Variants in SEM1 observed in about 807,000 individuals in gnomAD.
SEM1 encodes SEM1 26S proteasome subunit.
Under a neutral mutation model 12.7 loss-of-function variants are expected in SEM1, and 3 were observed. The ratio of observed to expected loss-of-function variants is 0.24; its 90% confidence interval spans 0.11 to 0.61. SEM1 has a LOEUF of 0.61. SEM1 is among the 20% of genes least tolerant of loss of function. The probability of loss-of-function intolerance (pLI) is 0.88; values close to 1 mark genes in which losing one functional copy is unlikely to be tolerated. For synonymous variants in SEM1, 30 were observed against 27.8 expected (o/e 1.08, Z -0.25); for missense variants, 59 against 81.3 (o/e 0.73, Z 1.06).
chr7:96,611,160 A>C (rs574538021), intron 2 of SEM1, among the ~76,000 whole-genome samples: 2 of 152,324 alleles, frequency 1.3e-5, no homozygotes, highest in South Asian at 4.1e-4. Context: ...CTCCTAAATG[A>C]CCTACATGCC....
intron 2 of SEM1, among the ~76,000 whole-genome samples, chr7:96,692,621 C>T (rs573326662): frequency 6.6e-6 from 1 of 151,966 alleles, no homozygotes; most frequent in South Asian, 2.1e-4. Flanking sequence ...ATCTGATCCT[C>T]GAAATAAACT....
intron 2 of SEM1, among the ~76,000 whole-genome samples, chr7:96,570,976 T>C (rs1218153787): frequency 1.3e-5 from 2 of 151,664 alleles, no homozygotes. Context: ...TTTTTTTTTT[T>C]CGTATGTTTG....
downstream of SEM1, chr7:96,688,672 G>A (rs1225871479): frequency 3.7e-6 from 1 of 273,600 alleles, no homozygotes; most frequent in Non-Finnish European, 6.7e-6. Flanking sequence ...TTCATAATAT[G>A]AAATTTTACT....
chr7:96,567,492 T>C lies in SEM1; in HGVS notation c.171-60794A>G, dbSNP rs542231494. Among the ~76,000 whole-genome samples the C allele has an allele frequency of 2.6e-3, 260 of 100,544 alleles. 3 individuals carry two copies. The highest frequency in any genetic ancestry group is 6.8e-3 in the African/African-American group (251 of 36,718). 66.0% of individuals were successfully genotyped at this position (100,544 alleles called of 152,430 possible). On this transcript the variant is annotated intron_variant and NMD_transcript_variant, in intron 2 of 3. Transcript: ENST00000466986. ...AATTCTGTGTCATCTCTTCAAACCTTTGTATTTTTTTTCCTTTCCAATTCC... is the reference window on the plus strand; with the variant it reads ...AATTCTGTGTCATCTCTTCAAACCTCTGTATTTTTTTTCCTTTCCAATTCC...
intron 2 of SEM1, among the ~76,000 whole-genome samples, chr7:96,667,692 A>C (rs1332544391): frequency 1.3e-5 from 2 of 152,222 alleles, no homozygotes; most frequent in East Asian, 3.8e-4. Context: ...CAAAACATTA[A>C]ACCAAAAAGC....
chr7:96,493,179 G>A (rs534303623), intron 1 of SEM1, among the ~76,000 whole-genome samples: 3 of 152,230 alleles, frequency 2.0e-5, no homozygotes, highest in South Asian at 4.2e-4. Context: ...TGGCCCCACT[G>A]GTCTCGAACT....
chr7:96,629,089 TG>T (rs1808164633), intron 2 of SEM1, among the ~76,000 whole-genome samples: 1 of 152,198 alleles, frequency 6.6e-6, no homozygotes, highest in Non-Finnish European at 1.5e-5. Context: ...CCTTGACCTT[TG>T]GGAGTTTGAT....
At chr7:96,588,762 T>G (rs56091404) in intron 2 of SEM1, among the ~76,000 whole-genome samples, 18,582 of 152,056 alleles carry the variant, frequency 0.12, 1,177 homozygotes, top group Middle Eastern at 0.18. Flanking sequence ...CAAGACCCTG[T>G]CTCAAAAAGT....
At chr7:96,587,494 G>T (rs890223517) in intron 2 of SEM1, among the ~76,000 whole-genome samples, 1 of 152,040 alleles carries the variant, frequency 6.6e-6, no homozygotes, top group African/African-American at 2.4e-5. Context: ...CCCATGTTGG[G>T]AATATTTCCC....
At chr7:96,503,328 T>C (rs1297054792) in intron 3 of SEM1, among the ~76,000 whole-genome samples, 2 of 152,306 alleles carry the variant, frequency 1.3e-5, no homozygotes, top group African/African-American at 2.4e-5. Context: ...TCTTTTTGAA[T>C]ATAATAGCAC....
chr7:96,656,692 G>A (rs1563100423), intron 2 of SEM1: 2 of 151,886 alleles, frequency 1.3e-5, no homozygotes, highest in Non-Finnish European at 2.9e-5. Context: ...TAATTTAGTG[G>A]TAAAAGATGA....
intron 2 of SEM1, among the ~76,000 whole-genome samples, chr7:96,616,671 A>G (rs1247796705): frequency 6.6e-6 from 1 of 151,962 alleles, no homozygotes; most frequent in African/African-American, 2.4e-5. Flanking sequence ...TAGGATTTTT[A>G]TATTTTTGGG....
intron 2 of SEM1, among the ~76,000 whole-genome samples, chr7:96,558,490 A>G (rs948287798): frequency 1.3e-5 from 2 of 149,974 alleles, no homozygotes; most frequent in African/African-American, 4.8e-5. Context: ...AGTGCACAGA[A>G]GGTGGAACAA....
chr7:96,547,235 T>C (rs1226839218), intron 2 of SEM1, among the ~76,000 whole-genome samples: 4 of 152,298 alleles, frequency 2.6e-5, no homozygotes, highest in Non-Finnish European at 4.4e-5. Flanking sequence ...GTTTCCTTCA[T>C]TGATGGTCTA....
chr7:96,541,950 T>A, intron 2 of SEM1, among the ~76,000 whole-genome samples: 1 of 147,100 alleles, frequency 6.8e-6, no homozygotes, highest in South Asian at 2.1e-4. Context: ...GTGTCTTTTT[T>A]TTTTTTTTTT....
chr7:96,614,649 A>T (rs2116252940), intron 2 of SEM1, among the ~76,000 whole-genome samples: 1 of 152,352 alleles, frequency 6.6e-6, no homozygotes, highest in Admixed American at 6.5e-5. Flanking sequence ...TAACATAATG[A>T]GTCCAGTTCA....
chr7:96,605,783 G>A (rs776612915), intron 2 of SEM1, among the ~76,000 whole-genome samples: 1 of 151,932 alleles, frequency 6.6e-6, no homozygotes, highest in Non-Finnish European at 1.5e-5. Flanking sequence ...GTTACCTATG[G>A]TCAACCCCCA....
At chr7:96,564,604 T>C (rs1443929818) in intron 2 of SEM1, among the ~76,000 whole-genome samples, 1 of 151,956 alleles carries the variant, frequency 6.6e-6, no homozygotes, top group Non-Finnish European at 1.5e-5. Flanking sequence ...GGCTTCTTTC[T>C]TGGATCATTA....
At chr7:96,635,565 A>T (rs907480486) in intron 2 of SEM1, among the ~76,000 whole-genome samples, 54 of 152,162 alleles carry the variant, frequency 3.5e-4, no homozygotes, top group African/African-American at 1.2e-3. Context: ...ATTGAAGCAG[A>T]CAGAAGGAAG....
Sources: gnomAD v4.1 joint callset for allele counts (sites outside exome capture counted in the v4.1 genomes callset) on GRCh38, gnomAD v4.1.1 for gene constraint, MANE v1.5 for transcripts, NCBI Gene and HGNC (gene_info 2026-07-23, HGNC 2026-07-21) for gene names.